The following SETD2 variants were observed in gnomAD, a reference collection of about 807,000 sequenced individuals.
SETD2 encodes histone-lysine N-methyltransferase SETD2.
In SETD2, 31 loss-of-function variants were observed where a neutral mutation model predicts 242.1. The observed-to-expected ratio is 0.13, with a 90% CI of 0.10 to 0.17. The LOEUF (loss-of-function observed/expected upper bound fraction) is 0.17. Among genes scored for constraint, SETD2 ranks in the 10% least tolerant of loss-of-function variants. The pLI, the probability that SETD2 is intolerant of heterozygous loss-of-function variation, is 1.00. For missense variants in SETD2, 2,481 were observed against 3,046.3 expected (o/e 0.81, Z 4.37); for synonymous variants, 1,006 against 1,066.5 (o/e 0.94, Z 1.11).
chr3:47,039,040 T>C (rs897524909), intron 17 of SETD2, among the ~76,000 whole-genome samples: 11 of 152,154 alleles, frequency 7.2e-5, no homozygotes, highest in African/African-American at 2.7e-4. Flanking sequence ...CTCTGACCTA[T>C]GGAACTCATT....
At chr3:47,125,382 A>T (rs1383582924) in intron 2 of SETD2, among the ~76,000 whole-genome samples, 3 of 152,142 alleles carry the variant, frequency 2.0e-5, no homozygotes, top group Non-Finnish European at 4.4e-5. Context: ...ACACTCTAGG[A>T]AATATCAAAT....
At chr3:47,112,573 C>A (rs773264215) in intron 5 of SETD2, among the ~76,000 whole-genome samples, 2 of 150,242 alleles carry the variant, frequency 1.3e-5, no homozygotes, top group African/African-American at 2.5e-5. Flanking sequence ...TGAACCACCA[C>A]GTCCAGCGTA....
rs2040114380 is a variant in SETD2, at chr3:47,057,044, A to G, written c.6740T>C (p.Val2247Ala). 2.5e-6 allele frequency: 4 copies of G among 1,614,114 alleles called. No homozygotes were observed. Among genetic ancestry groups the G allele is most frequent in the South Asian group, 1.1e-5 (1 of 91,092 alleles). ...SSQYVAQSDG[V>A]VHQDSSVAVL... ...AGCAACGCTGGAGTCTTGGTGTACT[A>G]CACCATCACTCTGGGCCACATACTG... Residue 2247 changes from valine to alanine, a missense_variant, in exon 15 of 21, where the codon GTA (valine) becomes GCA (alanine). By Grantham distance (64) the Val-to-Ala change is moderately conservative. Around this residue, in one of 17 missense-constraint regions of SETD2, gnomAD observed 235 missense variants for 293.9 expected, o/e 0.80. Transcript: ENST00000409792.
chr3:47,075,176 A>G (rs2041003256), intron 12 of SETD2, among the ~76,000 whole-genome samples: 1 of 152,052 alleles, frequency 6.6e-6, no homozygotes, highest in Admixed American at 6.6e-5. Context: ...AAAGGAAAAA[A>G]AGATACTTGA....
chr3:47,130,277 A>G (rs1322799246), intron 1 of SETD2, among the ~76,000 whole-genome samples: 1 of 152,218 alleles, frequency 6.6e-6, no homozygotes, highest in Non-Finnish European at 1.5e-5. Context: ...TAAACTCAAT[A>G]GGGTAGGGAC....
intron 1 of SETD2, among the ~76,000 whole-genome samples, chr3:47,159,393 C>G (rs1015988820): frequency 1.3e-5 from 2 of 152,200 alleles, no homozygotes; most frequent in Non-Finnish European, 2.9e-5. Flanking sequence ...AACTTTCTAA[C>G]GCTGAGACCA....
At chr3:47,061,068 A>G (rs1032692365) in intron 14 of SETD2, among the ~76,000 whole-genome samples, 1 of 152,078 alleles carries the variant, frequency 6.6e-6, no homozygotes, top group Non-Finnish European at 1.5e-5. Context: ...AATACAACAA[A>G]TTAGCCGGGC....
At position 47,019,812 on chromosome 3, in the gene SETD2, GCTT is replaced by G; in HGVS notation, c.7376_7378del (p.Glu2459del). The G allele has an allele frequency of 6.2e-7, 1 of 1,614,014 alleles. No homozygotes were observed. Among genetic ancestry groups the G allele is most frequent in the Non-Finnish European group, 8.5e-7 (1 of 1,179,918 alleles). ...CTTTGCTAGTTCACTGGAGGTGTCT[GCTT>G]CTGCTGTCTTGGGCTTTTTCGAGGC... On this transcript the variant is annotated inframe_deletion, in exon 19 of 21. Coordinates refer to ENST00000409792, the MANE Select transcript of SETD2 (RefSeq NM_014159.7).
At chr3:47,115,521 T>C (rs1359935301) in intron 4 of SETD2, among the ~76,000 whole-genome samples, 2 of 152,182 alleles carry the variant, frequency 1.3e-5, no homozygotes, top group African/African-American at 4.8e-5. Context: ...TATTTTATTT[T>C]TGCAACACTA....
Position 47,119,502 on chromosome 3 carries a change from T to C in SETD2, c.4454+680A>G, listed in dbSNP as rs182883558. On this transcript the variant is annotated intron_variant, in intron 3 of 20. Coordinates refer to ENST00000409792, the MANE Select transcript of SETD2 (RefSeq NM_014159.7). ...CCCAAACTCAACTTGAGGAGGTAAC[T>C]GAATCATGGGGGCCGGCCTTTCTCG... The C allele has an allele frequency of 7.0e-4, 118 of 167,606 alleles. 1 individual carries two copies. The East Asian group carries it at 0.021, about 29-fold the overall frequency. 10.4% of individuals were successfully genotyped at this position (167,606 alleles called of 1,614,324 possible).
At chr3:47,082,575 G>C (rs1037435405) in intron 12 of SETD2, among the ~76,000 whole-genome samples, 1 of 152,096 alleles carries the variant, frequency 6.6e-6, no homozygotes, top group South Asian at 2.1e-4. Context: ...AATTTACTAC[G>C]AACTCTTCCT....
Position 47,083,757 on chromosome 3 carries a change from A to C in SETD2, c.6023T>G (p.Leu2008Trp). 6.2e-7 allele frequency: 1 copy of C among 1,613,344 alleles called. No individual in the cohort carries two copies. Among genetic ancestry groups the C allele is most frequent in the Non-Finnish European group, 8.5e-7 (1 of 1,179,712 alleles). ...CCAACTGTCCAGGAGTTTGGTGGCCAAATCACTTATATCCACTGTTTTATC... is the reference window on the plus strand; with the variant it reads ...CCAACTGTCCAGGAGTTTGGTGGCCCAATCACTTATATCCACTGTTTTATC... ...QPDKTVDISDLATKLLDSWKD... is the reference protein window; with the variant it reads ...QPDKTVDISDWATKLLDSWKD... The change falls in exon 12 of 21, where the codon TTG (leucine) becomes TGG (tryptophan). Residue 2008 changes from leucine to tryptophan, a missense_variant. Leu to Trp is a moderately conservative substitution (Grantham distance 61). Around this residue, in one of 17 missense-constraint regions of SETD2, gnomAD observed 203 missense variants for 222.4 expected, o/e 0.91. Transcript: ENST00000409792.
chr3:47,152,856 C>T (rs150418848), intron 1 of SETD2, among the ~76,000 whole-genome samples: 1 of 152,328 alleles, frequency 6.6e-6, no homozygotes, highest in Non-Finnish European at 1.5e-5. Flanking sequence ...GTCTTATCAA[C>T]ACCCACATCA....
At chr3:47,158,583 T>A (rs1697387240) in intron 1 of SETD2, among the ~76,000 whole-genome samples, 1 of 152,210 alleles carries the variant, frequency 6.6e-6, no homozygotes, top group Admixed American at 6.5e-5. Context: ...TTCTTTTCTC[T>A]AGCTTACTTT....
intron 1 of SETD2, among the ~76,000 whole-genome samples, chr3:47,130,133 TA>T (rs2043444032): frequency 6.6e-6 from 1 of 152,190 alleles, no homozygotes. Context: ...GCTAGTGAAT[TA>T]ATCCAGCAAG....
chr3:47,081,846 T>C (rs2107633768), intron 12 of SETD2, among the ~76,000 whole-genome samples: 1 of 152,332 alleles, frequency 6.6e-6, no homozygotes, highest in Non-Finnish European at 1.5e-5. Flanking sequence ...AACTAAAGTT[T>C]GAAGAAGAGA....
chr3:47,139,564 T>A (rs2106787653), intron 1 of SETD2, among the ~76,000 whole-genome samples: 1 of 152,258 alleles, frequency 6.6e-6, no homozygotes, highest in Admixed American at 6.5e-5. Context: ...TCAAAGAAAC[T>A]CCTTAACAAC....
At chr3:47,034,064 CTT>C (rs1196108761) in intron 18 of SETD2, among the ~76,000 whole-genome samples, 1 of 152,206 alleles carries the variant, frequency 6.6e-6, no homozygotes, top group Non-Finnish European at 1.5e-5. Context: ...TATGATTATT[CTT>C]TTTGGGAGAG....
chr3:47,124,642 G>T, intron 2 of SETD2, 94 bp from the exon 3 acceptor site: 1 of 1,113,828 alleles, frequency 9.0e-7, no homozygotes, highest in Non-Finnish European at 1.2e-6. Flanking sequence ...GAAATGAAAA[G>T]CCCTTTTTAA....
Sources: allele counts gnomAD v4.1 joint callset (sites outside exome capture counted in the v4.1 genomes callset), GRCh38; gene constraint gnomAD v4.1.1; regional missense constraint gnomAD v4.1.1; transcripts MANE v1.5; gene names NCBI Gene and HGNC (gene_info 2026-07-23, HGNC 2026-07-21).